Variants in ENAH observed in about 807,000 individuals in gnomAD.
ENAH encodes protein enabled homolog.
In ENAH, 23 loss-of-function variants were observed where a neutral mutation model predicts 78.7. The ratio of observed to expected loss-of-function variants is 0.29; its 90% confidence interval spans 0.21 to 0.41. The LOEUF (loss-of-function observed/expected upper bound fraction) is 0.41, where lower values mean the gene tolerates loss of function less well. Among genes scored for constraint, ENAH ranks in the 10% least tolerant of loss-of-function variants. ENAH has a pLI of 1.00. For synonymous variants in ENAH, 226 were observed against 241.0 expected, an observed-to-expected ratio of 0.94 and a Z score of 0.58; for missense variants, 544 against 691.0, an observed-to-expected ratio of 0.79 and a Z score of 2.39.
intron 3 of ENAH, among the ~76,000 whole-genome samples, chr1:225,546,747 C>A (rs1464505322): frequency 6.6e-6 from 1 of 152,088 alleles, no homozygotes; most frequent in Admixed American, 6.6e-5. Context: ...TGTAATTAAC[C>A]CCCTTGAACT....
intron 10 of ENAH, among the ~76,000 whole-genome samples, chr1:225,511,216 T>C (rs1005923945): frequency 6.6e-6 from 1 of 152,230 alleles, no homozygotes; most frequent in African/African-American, 2.4e-5. Flanking sequence ...CAGCCCTTAG[T>C]CTTTAATCAA....
chr1:225,497,715 T>C lies in ENAH; in HGVS notation c.*60A>G. ...GTAGGGGTTTGCTGTTGTGAACAGT[T>C]GTTGTTTGTAGGATATTTTTCCTCC... On this transcript the variant is annotated 3_prime_UTR_variant, in exon 14 of 14. Coordinates refer to ENST00000366843, the MANE Select transcript of ENAH (RefSeq NM_018212.6). The C allele has an allele frequency of 1.3e-6, 2 of 1,543,138 alleles. No individual in the cohort carries two copies. Among genetic ancestry groups the C allele is most frequent in the Non-Finnish European group, 1.8e-6 (2 of 1,121,234 alleles).
chr1:225,490,921 G>T lies in ENAH; in HGVS notation c.*6854C>A, dbSNP rs966239916. The T allele has an allele frequency of 5.3e-5, 8 of 152,272 alleles. No individual in the cohort carries two copies. The highest frequency in any genetic ancestry group is 1.9e-4 in the African/African-American group (8 of 41,528). 9.4% of individuals were successfully genotyped at this position (152,272 alleles called of 1,614,324 possible). On this transcript the variant is annotated 3_prime_UTR_variant, in exon 14 of 14. Transcript: ENST00000366843. Reference sequence around the variant, plus strand: ...TGTGATGCCCAACCACTGGCACTGGGGTGGCCTTATGACTTACGACAATCA... The same window carrying T: ...TGTGATGCCCAACCACTGGCACTGGTGTGGCCTTATGACTTACGACAATCA...
intron 1 of ENAH, among the ~76,000 whole-genome samples, chr1:225,604,621 CAAAAAA>C (rs762454618): frequency 5.6e-5 from 5 of 88,942 alleles, no homozygotes; most frequent in East Asian, 2.6e-4. Flanking sequence ...CCGTCTCTAC[CAAAAAA>C]AAAAAAAAAA....
chr1:225,565,820 A>T (rs938697535), intron 2 of ENAH, among the ~76,000 whole-genome samples: 4 of 152,150 alleles, frequency 2.6e-5, no homozygotes, highest in African/African-American at 9.7e-5. Context: ...CACAACAAGG[A>T]AACTGGAGCC....
intron 3 of ENAH, among the ~76,000 whole-genome samples, chr1:225,541,232 A>C (rs1165464479): frequency 6.6e-6 from 1 of 152,196 alleles, no homozygotes; most frequent in Non-Finnish European, 1.5e-5. Flanking sequence ...CAGGAGATCA[A>C]GACCATCCTG....
chr1:225,651,095 T>A (rs925167870), intron 1 of ENAH, among the ~76,000 whole-genome samples: 4 of 152,130 alleles, frequency 2.6e-5, no homozygotes, highest in Non-Finnish European at 5.9e-5. Context: ...TGCTCAAACA[T>A]ACGACTCAAA....
chr1:225,570,606 A>G (rs1270743205), intron 1 of ENAH, among the ~76,000 whole-genome samples: 1 of 151,740 alleles, frequency 6.6e-6, no homozygotes, highest in Non-Finnish European at 1.5e-5. Flanking sequence ...TAGTAAATAT[A>G]TTTTCTCCTT....
At chr1:225,498,089 G>C (rs1365329128) in intron 13 of ENAH, among the ~76,000 whole-genome samples, 1 of 152,140 alleles carries the variant, frequency 6.6e-6, no homozygotes, top group Admixed American at 6.6e-5. Flanking sequence ...CCTAGAGAAA[G>C]ATCTGTTCAT....
chr1:225,603,237 T>C lies in ENAH; in HGVS notation c.6-35823A>G, dbSNP rs1486773435. On this transcript the variant is annotated intron_variant, in intron 1 of 13. Transcript: ENST00000366843. Reference sequence around the variant, plus strand: ...AGCAGTCATTCTCCCTAAGTAAAAATAAATAATTAAGCAAATATTTAGAAT... The same window carrying C: ...AGCAGTCATTCTCCCTAAGTAAAAACAAATAATTAAGCAAATATTTAGAAT... Among the ~76,000 whole-genome samples the C allele has an allele frequency of 3.9e-5, 6 of 152,064 alleles. No homozygotes were observed. In the East Asian group the frequency reaches 1.2e-3, roughly 29 times the overall value.
rs992692478 is a variant in ENAH at position 225,493,744 on chromosome 1, C to T, written c.*4031G>A. ...TGTTTGCTTTATATAGTTACTTTTACGCTGCTTATAATCGGTAGAATTTAA... is the reference window on the plus strand; with the variant it reads ...TGTTTGCTTTATATAGTTACTTTTATGCTGCTTATAATCGGTAGAATTTAA... On this transcript the variant is annotated 3_prime_UTR_variant, in exon 14 of 14. Transcript: ENST00000366843. 2 of 152,002 alleles carry T rather than the reference C, an allele frequency of 1.3e-5. No homozygotes were observed. Among genetic ancestry groups the T allele is most frequent in the African/African-American group, 4.8e-5 (2 of 41,374 alleles). 9.4% of individuals were successfully genotyped at this position (152,002 alleles called of 1,614,324 possible). A position where few individuals can be genotyped will look rare whatever the true frequency, so the allele number is the denominator to read the frequency against.
rs764797662 is a variant in ENAH, at chr1:225,519,567, T to TG, written c.435-3dup. The TG allele has an allele frequency of 7.1e-6, 11 of 1,556,682 alleles. No individual in the cohort carries two copies. The highest frequency in any genetic ancestry group is 8.6e-6 in the Non-Finnish European group (10 of 1,161,080). ...TGCCGTTGCTGTTCTTGTAGTTGTC[T>TG]GGAAAAAAAAAAAAAAAAGTAAAAA... On this transcript the variant is annotated splice_region_variant and splice_polypyrimidine_tract_variant and intron_variant, in intron 4 of 13. Coordinates refer to ENST00000366843, the MANE Select transcript of ENAH (RefSeq NM_018212.6).
At chr1:225,651,413 CA>C (rs1185039366) in intron 1 of ENAH, among the ~76,000 whole-genome samples, 1 of 151,498 alleles carries the variant, frequency 6.6e-6, no homozygotes, top group Admixed American at 6.6e-5. Flanking sequence ...AAATGAAAAG[CA>C]AAGTTTAAAA....
intron 1 of ENAH, among the ~76,000 whole-genome samples, chr1:225,611,608 C>A (rs1224945663): frequency 6.6e-6 from 1 of 152,120 alleles, no homozygotes; most frequent in African/African-American, 2.4e-5. Context: ...GCATGAGCTA[C>A]CTTGCCCAGA....
In ENAH at chr1:225,496,681, C is replaced by T. The variant is rs1471350145; in HGVS notation, c.*1094G>A. 6.6e-6 allele frequency: 1 copy of T among 152,602 alleles called. No homozygotes were observed. Among genetic ancestry groups the T allele is most frequent in the Non-Finnish European group, 1.5e-5 (1 of 68,028 alleles). The allele number at this position is 152,602 out of a possible 1,614,324, so 9.5% of individuals were successfully genotyped here. On this transcript the variant is annotated 3_prime_UTR_variant, in exon 14 of 14. Coordinates refer to ENST00000366843, the MANE Select transcript of ENAH (RefSeq NM_018212.6). ...AAGACATGATGTAAAAGATTAAGTA[C>T]TTGGTTTTGTAACATATTTACCAAT...
At chr1:225,540,954 T>A (rs981885058) in intron 3 of ENAH, among the ~76,000 whole-genome samples, 2 of 152,182 alleles carry the variant, frequency 1.3e-5, no homozygotes, top group African/African-American at 4.8e-5. Flanking sequence ...AGTACACTAA[T>A]TGAAAGCCAG....
At chr1:225,600,278 G>A (rs2096923958) in intron 1 of ENAH, among the ~76,000 whole-genome samples, 1 of 152,156 alleles carries the variant, frequency 6.6e-6, no homozygotes, top group Non-Finnish European at 1.5e-5. Flanking sequence ...GAGGCCGGGA[G>A]GATCACTTGA....
At chr1:225,507,728 A>C (rs1167665755) in intron 11 of ENAH, among the ~76,000 whole-genome samples, 1 of 152,170 alleles carries the variant, frequency 6.6e-6, no homozygotes. Flanking sequence ...TTAAAATCTC[A>C]GATCATCTGG....
At chr1:225,617,180 C>A (rs544070585) in intron 1 of ENAH, among the ~76,000 whole-genome samples, 2 of 151,930 alleles carry the variant, frequency 1.3e-5, no homozygotes, top group African/African-American at 4.8e-5. Context: ...TTATCAGACA[C>A]GAAAAAGAAA....
Sources: gnomAD v4.1 joint callset for allele counts (sites outside exome capture counted in the v4.1 genomes callset) on GRCh38, gnomAD v4.1.1 for gene constraint, MANE v1.5 for transcripts, NCBI Gene and HGNC (gene_info 2026-07-23, HGNC 2026-07-21) for gene names.